KIAA0930: variants seen among roughly 807,000 people sequenced by gnomAD.
The protein encoded by KIAA0930 is uncharacterized protein KIAA0930.
In KIAA0930, 24 loss-of-function variants were observed where a neutral mutation model predicts 43.9. That is an observed-to-expected ratio of 0.55 (90% CI 0.40 to 0.77). The LOEUF (loss-of-function observed/expected upper bound fraction) is 0.77, where lower values mean the gene tolerates loss of function less well. Among genes scored for constraint, KIAA0930 ranks in the 30% least tolerant of loss-of-function variants. The pLI is 0.00. For missense variants in KIAA0930, 461 were observed against 574.2 expected (o/e 0.80, Z 2.02); for synonymous variants, 259 against 216.4 (o/e 1.20, Z -1.73).
rs2147729421 is a variant in KIAA0930 at position 45,194,862 on chromosome 22, A to G, written c.*2314T>C. 1 of 152,078 alleles carries G rather than the reference A, an allele frequency of 6.6e-6. No individual in the cohort carries two copies. The highest frequency in any genetic ancestry group is 2.4e-5 in the African/African-American group (1 of 41,462). 9.4% of individuals were successfully genotyped at this position (152,078 alleles called of 1,614,324 possible). A position where few individuals can be genotyped will look rare whatever the true frequency, so the allele number is the denominator to read the frequency against. On this transcript the variant is annotated 3_prime_UTR_variant, in exon 10 of 10. Coordinates refer to ENST00000336156, the MANE Select transcript of KIAA0930 (RefSeq NM_001009880.2). Reference sequence around the variant, plus strand: ...AGGCCAGGCCGCGTGCCTGGGTTTGACTCCCATCGCCGGCCCCTGCTGTTA... The same window carrying G: ...AGGCCAGGCCGCGTGCCTGGGTTTGGCTCCCATCGCCGGCCCCTGCTGTTA...
chr22:45,208,083 C>T (rs530236531), intron 2 of KIAA0930, among the ~76,000 whole-genome samples: 6 of 152,278 alleles, frequency 3.9e-5, no homozygotes, highest in African/African-American at 9.6e-5. Flanking sequence ...GAAAGGTGTC[C>T]GTGTGCGCAC....
At position 45,203,150 on chromosome 22, in the gene KIAA0930, G is replaced by T; in HGVS notation, c.692C>A (p.Ser231Ter). ...SVAARMAQKM[S>*]FGFYKYSNME... ...GTTGCTGTACTTGTAGAAGCCAAAC[G>T]ACATCTTCTGTGCCATGCGGGCGGC... is the stretch of plus-strand genomic sequence containing the variant. Residue 231 changes from serine to a stop codon, truncating the protein, a stop_gained, in exon 7 of 10, where the codon TCG (serine) becomes TAG (stop). Coordinates refer to ENST00000336156, the MANE Select transcript of KIAA0930 (RefSeq NM_001009880.2). LOFTEE classifies it high-confidence loss of function. The T allele has an allele frequency of 6.2e-7, 1 of 1,612,558 alleles. No individual in the cohort carries two copies. Among genetic ancestry groups the T allele is most frequent in the South Asian group, 1.1e-5 (1 of 90,770 alleles).
intron 1 of KIAA0930, among the ~76,000 whole-genome samples, chr22:45,229,648 C>A (rs944711215): frequency 5.3e-5 from 8 of 152,236 alleles, no homozygotes; most frequent in Non-Finnish European, 1.2e-4. Context: ...CCGCCAACAA[C>A]GGGTTGAGGA....
chr22:45,208,556 C>CACCGACTCCACACACATGAGCTGTGAGAA (rs1569075768), intron 2 of KIAA0930, among the ~76,000 whole-genome samples: 11 of 152,048 alleles, frequency 7.2e-5, no homozygotes, highest in Non-Finnish European at 1.2e-4. Flanking sequence ...CAGGCAGAAC[C>CACCGACTCCACACACATGAGCTGTGAGAA]CGCCCGGGAA....
Position 45,229,734 on chromosome 22 carries a change from G to A in KIAA0930, c.64+10906C>T, listed in dbSNP as rs551917410. On this transcript the variant is annotated intron_variant, in intron 1 of 9. Coordinates refer to ENST00000336156, the MANE Select transcript of KIAA0930 (RefSeq NM_001009880.2). Reference sequence around the variant, plus strand: ...AAGTCTTACGGCTGGGGCTCAGGGGGTCAGCTGGGGCAGGTCACCAAGGGT... The same window carrying A: ...AAGTCTTACGGCTGGGGCTCAGGGGATCAGCTGGGGCAGGTCACCAAGGGT... 1.5e-4 allele frequency among the ~76,000 whole-genome samples: 23 copies of A among 152,354 alleles called. No homozygotes were observed. The South Asian group carries it at 4.3e-3, about 29-fold the overall frequency.
At chr22:45,225,250 T>C (rs932402969) in intron 1 of KIAA0930, among the ~76,000 whole-genome samples, 45 of 152,006 alleles carry the variant, frequency 3.0e-4, no homozygotes, top group African/African-American at 1.1e-3. Context: ...AGGGCCTCCC[T>C]CCCTCGGGGC....
In KIAA0930 at chr22:45,199,945, G is replaced by A. The variant is rs768264629; in HGVS notation, c.943C>T (p.Arg315Trp). 1.1e-5 allele frequency: 17 copies of A among 1,609,844 alleles called. No homozygotes were observed. The highest frequency in any genetic ancestry group is 4.5e-5 in the East Asian group (2 of 44,460). Residue 315 changes from arginine to tryptophan, a missense_variant, in exon 8 of 10, where the codon CGG (arginine) becomes TGG (tryptophan). Physicochemically the swap from Arg to Trp is moderately radical, Grantham distance 101. Transcript: ENST00000336156. ...TGCGACTTCTTCATCTCAGCGATCCGGTTCCGGGGCACCTTCCTCTTGAGG... is the reference window on the plus strand; with the variant it reads ...TGCGACTTCTTCATCTCAGCGATCCAGTTCCGGGGCACCTTCCTCTTGAGG... ...PSLKRKVPRN[R>W]IAEMKKSHSA...
chr22:45,197,916 G>T lies in KIAA0930; in HGVS notation c.1048C>A (p.Arg350=), dbSNP rs1412152779. ...DLHNATNLRS[R]SLSGTGRSLV... is the part of the protein sequence containing the mutation. ...GACCGTCCTGTGCCCGACAGGGACC[G>T]AGACCGCAGGTTGGTTGCATTGTGC... is the stretch of plus-strand genomic sequence containing the variant. Residue 350 remains arginine (R), a synonymous_variant, in exon 9 of 10, where the codon CGG becomes AGG. Transcript: ENST00000336156. 6.2e-7 allele frequency: 1 copy of T among 1,614,200 alleles called. No individual in the cohort carries two copies. The highest frequency in any genetic ancestry group is 1.1e-5 in the South Asian group (1 of 91,084).
intron 1 of KIAA0930, among the ~76,000 whole-genome samples, chr22:45,217,189 C>A (rs1057475890): frequency 6.6e-6 from 1 of 151,808 alleles, no homozygotes; most frequent in Non-Finnish European, 1.5e-5. Context: ...CGCAAAACCC[C>A]ATCTCTACTA....
At chr22:45,224,089 C>A (rs190296820) in intron 1 of KIAA0930, among the ~76,000 whole-genome samples, 632 of 152,306 alleles carry the variant, frequency 4.1e-3, no homozygotes, top group Non-Finnish European at 6.7e-3. Context: ...AGCACGTTTA[C>A]CTATCCAAAA....
At position 45,194,843 on chromosome 22, in the gene KIAA0930, G is replaced by A. The variant is rs1055317820; in HGVS notation, c.*2333C>T. 6.6e-6 allele frequency: 1 copy of A among 152,224 alleles called. No individual in the cohort carries two copies. Among genetic ancestry groups the A allele is most frequent in the Non-Finnish European group, 1.5e-5 (1 of 68,054 alleles). The allele number at this position is 152,224 out of a possible 1,614,324, so 9.4% of individuals were successfully genotyped here. Reference sequence around the variant, plus strand: ...ACCATGTGGCTCAGCATGCAGGCCAGGCCGCGTGCCTGGGTTTGACTCCCA... The same window carrying A: ...ACCATGTGGCTCAGCATGCAGGCCAAGCCGCGTGCCTGGGTTTGACTCCCA... On this transcript the variant is annotated 3_prime_UTR_variant, in exon 10 of 10. Transcript: ENST00000336156.
intron 1 of KIAA0930, among the ~76,000 whole-genome samples, chr22:45,214,937 GC>G (rs912374869): frequency 1.3e-5 from 2 of 150,550 alleles, no homozygotes; most frequent in African/African-American, 4.9e-5. Flanking sequence ...TAAAATTTAG[GC>G]CAGGTGCAGT....
chr22:45,223,598 C>A lies in KIAA0930; in HGVS notation c.65-11491G>T, dbSNP rs1249425906. Among the ~76,000 whole-genome samples, 4 of 150,074 alleles carry A rather than the reference C, an allele frequency of 2.7e-5. No homozygotes were observed. The South Asian group carries it at 6.3e-4, about 24-fold the overall frequency. ...TCAGCACCAGATAAGCACCCAGGGT[C>A]AGCACTGAGCCAGCAACTAGGATCA... On this transcript the variant is annotated intron_variant, in intron 1 of 9. Transcript: ENST00000336156.
chr22:45,226,953 G>GC (rs1170035610), intron 1 of KIAA0930: 1 of 152,874 alleles, frequency 6.5e-6, no homozygotes, highest in African/African-American at 2.4e-5. Flanking sequence ...GAACCTTGAG[G>GC]CCCACCCACG....
At chr22:45,223,256 T>C (rs2083777996) in intron 1 of KIAA0930, among the ~76,000 whole-genome samples, 1 of 152,180 alleles carries the variant, frequency 6.6e-6, no homozygotes, top group South Asian at 2.1e-4. Context: ...AGGAAGAAAG[T>C]TCTCTAGAAT....
At position 45,203,987 on chromosome 22, in the gene KIAA0930, T is replaced by C; in HGVS notation, c.517-2A>G. ...CCCTACGGTCATGTCGCTGAACACC[T>C]GGGCCAGGACACAAAGAGACAGGGA... On this transcript the variant is annotated splice_acceptor_variant, in intron 5 of 9. Coordinates refer to ENST00000336156, the MANE Select transcript of KIAA0930 (RefSeq NM_001009880.2). LOFTEE classifies it high-confidence loss of function. The C allele has an allele frequency of 6.2e-7, 1 of 1,613,918 alleles. No homozygotes were observed. Among genetic ancestry groups the C allele is most frequent in the Non-Finnish European group, 8.5e-7 (1 of 1,179,876 alleles).
rs866197544 is a variant in KIAA0930 at position 45,212,551 on chromosome 22, A to C, written c.65-444T>G. ...CCCACCCACTCCCCCTGGCTGCGGCAGTCCCAGCGGGAACCCGACTTAAAG... is the reference window on the plus strand; with the variant it reads ...CCCACCCACTCCCCCTGGCTGCGGCCGTCCCAGCGGGAACCCGACTTAAAG... On this transcript the variant is annotated intron_variant, in intron 1 of 9. Transcript: ENST00000336156. The C allele has an allele frequency of 2.9e-4, 403 of 1,400,574 alleles. 1 individual carries two copies. The Middle Eastern group carries it at 3.2e-3, about 11-fold the overall frequency. 86.8% of individuals were successfully genotyped at this position (1,400,574 alleles called of 1,614,324 possible). A position where few individuals can be genotyped will look rare whatever the true frequency, so the allele number is the denominator to read the frequency against.
chr22:45,214,828 G>C (rs1187300129), intron 1 of KIAA0930, among the ~76,000 whole-genome samples: 2 of 152,178 alleles, frequency 1.3e-5, no homozygotes, highest in Non-Finnish European at 1.5e-5. Context: ...AGGATCACTT[G>C]AGCCCAGGAG....
intron 1 of KIAA0930, among the ~76,000 whole-genome samples, chr22:45,232,398 G>A (rs5766571): frequency 6.6e-6 from 1 of 152,194 alleles, no homozygotes; most frequent in Admixed American, 6.5e-5. Flanking sequence ...TAATGGACAC[G>A]TGGAGTAAGG....
Sources: gnomAD v4.1 joint callset for allele counts (sites outside exome capture counted in the v4.1 genomes callset) on GRCh38, gnomAD v4.1.1 for gene constraint, MANE v1.5 for transcripts, NCBI Gene and HGNC (gene_info 2026-07-23, HGNC 2026-07-21) for gene names.